EXOC6B: variants seen among roughly 807,000 people sequenced by gnomAD.
EXOC6B encodes exocyst complex component 6B, also known as SEC15 homolog B.
A neutral mutation model predicts 113.5 loss-of-function variants in EXOC6B; 54 were observed. The observed-to-expected ratio is 0.48, with a 90% CI of 0.38 to 0.60. The LOEUF is 0.60. Ranked by LOEUF, EXOC6B falls within the 20% of genes least tolerant of loss-of-function variation. The probability of loss-of-function intolerance (pLI) is 0.00; values close to 1 mark genes in which losing one functional copy is unlikely to be tolerated. For synonymous variants in EXOC6B, 357 were observed against 339.0 expected (o/e 1.05, Z -0.58); for missense variants, 797 against 977.5 (o/e 0.82, Z 2.46).
In EXOC6B at chr2:72,672,201, CAA is replaced by C. The variant is rs61678584; in HGVS notation, c.669+45900_669+45901del. ...GCAATTCGACTACTGGGTATATATC[CAA>C]AAAAAAAAAAAAAAAAGATGAAATC... On this transcript the variant is annotated intron_variant, in intron 6 of 21. Transcript: ENST00000272427. Among the ~76,000 whole-genome samples the C allele has an allele frequency of 6.5e-3, 686 of 105,756 alleles. 2 individuals carry two copies. The highest frequency in any genetic ancestry group is 0.015 in the African/African-American group (415 of 28,208). The allele number at this position is 105,756 out of a possible 152,430, so 69.4% of individuals were successfully genotyped here. A position where few individuals can be genotyped will look rare whatever the true frequency, so the allele number is the denominator to read the frequency against.
At chr2:72,300,936 A>G (rs188190052) in intron 20 of EXOC6B, among the ~76,000 whole-genome samples, 107 of 152,230 alleles carry the variant, frequency 7.0e-4, no homozygotes, top group Middle Eastern at 6.8e-3. Flanking sequence ...TTCTGCATCA[A>G]TCTCGCTGGG....
intron 6 of EXOC6B, among the ~76,000 whole-genome samples, chr2:72,681,104 C>A (rs891802131): frequency 4.6e-5 from 7 of 152,122 alleles, no homozygotes; most frequent in Non-Finnish European, 1.0e-4. Flanking sequence ...ATTCCAATTT[C>A]TTTAATTTAA....
At chr2:72,680,928 T>A (rs940386862) in intron 6 of EXOC6B, among the ~76,000 whole-genome samples, 1 of 152,044 alleles carries the variant, frequency 6.6e-6, no homozygotes, top group Non-Finnish European at 1.5e-5. Context: ...TAGTTAGAGG[T>A]TTATCGCTCT....
chr2:72,785,162 G>A (rs1684298549), intron 1 of EXOC6B, among the ~76,000 whole-genome samples: 1 of 152,226 alleles, frequency 6.6e-6, no homozygotes, highest in African/African-American at 2.4e-5. Flanking sequence ...GATGTGAAAG[G>A]TAGGTTCCCA....
At chr2:72,821,594 A>G (rs561225978) in intron 1 of EXOC6B, among the ~76,000 whole-genome samples, 1 of 152,316 alleles carries the variant, frequency 6.6e-6, no homozygotes, top group South Asian at 2.1e-4. Flanking sequence ...ATGAACAAAT[A>G]AAATGTGGTA....
chr2:72,647,162 G>A lies in EXOC6B; in HGVS notation c.669+70941C>T, dbSNP rs149636325. 4.6e-3 allele frequency among the ~76,000 whole-genome samples: 707 copies of A among 152,134 alleles called. 8 individuals carry two copies. Among genetic ancestry groups the A allele is most frequent in the African/African-American group, 0.015 (620 of 41,494 alleles). ...AATAACAGAGAGCCAAATCATGAGC[G>A]AACTCCCATTCACAATTCCTAAAAA... is the stretch of plus-strand genomic sequence containing the variant. On this transcript the variant is annotated intron_variant, in intron 6 of 21. Transcript: ENST00000272427.
chr2:72,655,213 T>C (rs1295216252), intron 6 of EXOC6B, among the ~76,000 whole-genome samples: 3 of 152,210 alleles, frequency 2.0e-5, no homozygotes, highest in Non-Finnish European at 4.4e-5. Flanking sequence ...CAAAACTCCC[T>C]ATGATTACTT....
chr2:72,298,095 G>A (rs1686257180), intron 20 of EXOC6B, among the ~76,000 whole-genome samples: 1 of 152,138 alleles, frequency 6.6e-6, no homozygotes, highest in African/African-American at 2.4e-5. Context: ...GGGTGTTAAA[G>A]TCTCCCACTA....
intron 6 of EXOC6B, among the ~76,000 whole-genome samples, chr2:72,712,565 G>T (rs1055731702): frequency 2.0e-5 from 3 of 152,178 alleles, no homozygotes; most frequent in Non-Finnish European, 4.4e-5. Flanking sequence ...ATCATTTACA[G>T]CAACTCAAGG....
intron 18 of EXOC6B, among the ~76,000 whole-genome samples, chr2:72,439,225 T>A (rs1214318824): frequency 3.9e-5 from 6 of 152,174 alleles, no homozygotes; most frequent in Admixed American, 2.0e-4. Flanking sequence ...AAATTATGCA[T>A]CTTGGGGATA....
chr2:72,182,397 G>C (rs368716805), intron 21 of EXOC6B, among the ~76,000 whole-genome samples: 61 of 152,282 alleles, frequency 4.0e-4, no homozygotes, highest in South Asian at 8.3e-4. Context: ...CATTAAATAT[G>C]ACCATTTAAG....
chr2:72,427,722 G>A (rs1428689292), intron 18 of EXOC6B, among the ~76,000 whole-genome samples: 1 of 152,178 alleles, frequency 6.6e-6, no homozygotes, highest in African/African-American at 2.4e-5. Flanking sequence ...GCACCCTGGT[G>A]GAAGGGGGCG....
At chr2:72,411,660 C>T in intron 18 of EXOC6B, among the ~76,000 whole-genome samples, 1 of 152,132 alleles carries the variant, frequency 6.6e-6, no homozygotes, top group East Asian at 1.9e-4. Flanking sequence ...TATGTGAATG[C>T]CTAAGCCATA....
chr2:72,615,328 T>A (rs534341823), intron 6 of EXOC6B, among the ~76,000 whole-genome samples: 43 of 152,218 alleles, frequency 2.8e-4, no homozygotes, highest in African/African-American at 1.0e-3. Flanking sequence ...TTACTATTTC[T>A]CATTTCTAGG....
intron 1 of EXOC6B, among the ~76,000 whole-genome samples, chr2:72,752,565 C>T (rs1181602300): frequency 6.6e-6 from 1 of 151,094 alleles, no homozygotes; most frequent in Admixed American, 6.6e-5. Context: ...CTCTCTCTCT[C>T]TCTCTCCCTC....
intron 6 of EXOC6B, among the ~76,000 whole-genome samples, chr2:72,583,853 T>G (rs2103881587): frequency 6.6e-6 from 1 of 152,232 alleles, no homozygotes; most frequent in East Asian, 1.9e-4. Context: ...CCTGAGTAGC[T>G]GGGACTACAG....
At chr2:72,794,266 G>A (rs1278425205) in intron 1 of EXOC6B, among the ~76,000 whole-genome samples, 3 of 152,170 alleles carry the variant, frequency 2.0e-5, no homozygotes, top group Non-Finnish European at 4.4e-5. Flanking sequence ...TGTGTCACAT[G>A]AGTCTCCAAC....
chr2:72,412,881 T>C (rs1168775148), intron 18 of EXOC6B, among the ~76,000 whole-genome samples: 1 of 152,146 alleles, frequency 6.6e-6, no homozygotes, highest in Non-Finnish European at 1.5e-5. Context: ...GAAGAAGCTT[T>C]TGTTCTAGAC....
intron 19 of EXOC6B, among the ~76,000 whole-genome samples, chr2:72,376,505 G>A (rs949883108): frequency 7.2e-5 from 11 of 151,814 alleles, no homozygotes; most frequent in African/African-American, 2.4e-4. Context: ...CTTTATTATT[G>A]TTTATTTAGC....
Sources: gnomAD v4.1 joint callset for allele counts (sites outside exome capture counted in the v4.1 genomes callset) on GRCh38, gnomAD v4.1.1 for gene constraint, MANE v1.5 for transcripts, NCBI Gene and HGNC (gene_info 2026-07-23, HGNC 2026-07-21) for gene names.